The following GIMAP8 variants were observed in gnomAD, a reference collection of about 807,000 sequenced individuals.
The protein encoded by GIMAP8 is GTPase IMAP family member 8.
In GIMAP8, 29 loss-of-function variants were observed where a neutral mutation model predicts 35.6. The observed-to-expected ratio is 0.81, with a 90% confidence interval of 0.61 to 1.11. The LOEUF (loss-of-function observed/expected upper bound fraction) is 1.11. Ranked by LOEUF, GIMAP8 falls within the 50% of genes most tolerant of loss-of-function variation. The probability of loss-of-function intolerance (pLI) is 0.00; values close to 1 mark genes in which losing one functional copy is unlikely to be tolerated. For missense variants in GIMAP8, 811 were observed against 805.0 expected (o/e 1.01, Z -0.09); for synonymous variants, 335 against 308.7 (o/e 1.09, Z -0.89).
At chr7:150,457,838 T>G (rs1801763628) in intron 1 of GIMAP8, among the ~76,000 whole-genome samples, 1 of 152,254 alleles carries the variant, frequency 6.6e-6, no homozygotes, top group Non-Finnish European at 1.5e-5. Flanking sequence ...GCAGACATCC[T>G]GAGGCCAAAG....
At chr7:150,457,791 A>G (rs1455172485) in intron 1 of GIMAP8, among the ~76,000 whole-genome samples, 3 of 152,250 alleles carry the variant, frequency 2.0e-5, no homozygotes, top group Non-Finnish European at 2.9e-5. Context: ...GATTGGCAAG[A>G]TCTTGAAGGT....
At chr7:150,452,565 ATGTG>A (rs952748393) in intron 1 of GIMAP8, among the ~76,000 whole-genome samples, 4 of 149,082 alleles carry the variant, frequency 2.7e-5, no homozygotes, top group Non-Finnish European at 4.4e-5. Flanking sequence ...TTGCATATAT[ATGTG>A]TGTGTGTATG....
chr7:150,475,594 C>T (rs28535865), intron 4 of GIMAP8, among the ~76,000 whole-genome samples: 3,034 of 152,316 alleles, frequency 0.02, 98 homozygotes, highest in African/African-American at 0.069. Flanking sequence ...TAGTGCTACA[C>T]GTTCAGTTGA....
intron 1 of GIMAP8, among the ~76,000 whole-genome samples, chr7:150,459,317 G>A (rs1347466219): frequency 6.6e-6 from 1 of 152,184 alleles, no homozygotes; most frequent in African/African-American, 2.4e-5. Context: ...GGCATGAGGA[G>A]CCCAAAGTGG....
At position 150,478,377 on chromosome 7, in the gene GIMAP8, G is replaced by C. The variant is rs1802290936; in HGVS notation, c.*597G>C. 6.5e-6 allele frequency: 1 copy of C among 152,848 alleles called. No individual in the cohort carries two copies. Among genetic ancestry groups the C allele is most frequent in the Non-Finnish European group, 1.5e-5 (1 of 68,530 alleles). The allele number at this position is 152,848 out of a possible 1,614,324, so 9.5% of individuals were successfully genotyped here. On this transcript the variant is annotated 3_prime_UTR_variant, in exon 5 of 5. Transcript: ENST00000307271. ...CTCTTCACGTTCCACGCCTAGATGT[G>C]AAGTGGGACATAGTCTTCCATTGCT...
rs916877477 is a variant in GIMAP8, at chr7:150,471,831, T to C, written c.682+957T>C. On this transcript the variant is annotated intron_variant, in intron 3 of 4. Transcript: ENST00000307271. ...CAGTCTGGGCAACAGAGCAAGACCC[T>C]GTCTCAAAAAAAAAAAAAATTGCAG... is the stretch of plus-strand genomic sequence containing the variant. Among the ~76,000 whole-genome samples, 39 of 141,158 alleles carry C rather than the reference T, an allele frequency of 2.8e-4. 1 individual carries two copies. The highest frequency in any genetic ancestry group is 9.5e-4 in the African/African-American group (38 of 40,044). The allele number at this position is 141,158 out of a possible 152,430, so 92.6% of individuals were successfully genotyped here. A position where few individuals can be genotyped will look rare whatever the true frequency, so the allele number is the denominator to read the frequency against.
chr7:150,453,531 A>G (rs1024463379), intron 1 of GIMAP8, among the ~76,000 whole-genome samples: 1 of 152,236 alleles, frequency 6.6e-6, no homozygotes, highest in African/African-American at 2.4e-5. Flanking sequence ...TTGAAAAGGT[A>G]TGAACCACCA....
chr7:150,462,717 G>A (rs573126030), intron 1 of GIMAP8, among the ~76,000 whole-genome samples: 1 of 152,266 alleles, frequency 6.6e-6, no homozygotes, highest in South Asian at 2.1e-4. Context: ...TTAGTCTGAT[G>A]GAGATTCCTT....
In GIMAP8 at chr7:150,474,589, G is replaced by A. The variant is rs775558609; in HGVS notation, c.1260G>A (p.Glu420=). The A allele has an allele frequency of 6.2e-7, 1 of 1,612,924 alleles. No homozygotes were observed. The highest frequency in any genetic ancestry group is 8.5e-7 in the Non-Finnish European group (1 of 1,179,618). The part of the protein sequence containing the change: ...RQADELLEKI[E]SMVHQNGNKH... ...CGGACGAGCTCCTGGAAAAAATTGA[G>A]AGCATGGTGCATCAGAATGGGAACA... Residue 420 remains glutamate (E), a synonymous_variant, in exon 4 of 5, where the codon GAG becomes GAA. Coordinates refer to ENST00000307271, the MANE Select transcript of GIMAP8 (RefSeq NM_175571.4).
At chr7:150,468,962 T>C (rs1802032651) in intron 2 of GIMAP8, among the ~76,000 whole-genome samples, 1 of 152,192 alleles carries the variant, frequency 6.6e-6, no homozygotes, top group African/African-American at 2.4e-5. Flanking sequence ...ATCTGTCTCT[T>C]CCTTGAGGGC....
intron 1 of GIMAP8, among the ~76,000 whole-genome samples, chr7:150,465,239 C>T (rs1022483585): frequency 8.5e-5 from 13 of 152,062 alleles, no homozygotes; most frequent in African/African-American, 1.2e-4. Flanking sequence ...GGGTGCTGTA[C>T]GAAGCTTTCA....
chr7:150,476,940 T>C (rs943713373), intron 4 of GIMAP8, 152 bp from the exon 5 acceptor site: 22 of 625,522 alleles, frequency 3.5e-5, no homozygotes, highest in Middle Eastern at 4.3e-4. Context: ...TTCCCGTGTT[T>C]GGAGATCCCC....
At position 150,477,530 on chromosome 7, in the gene GIMAP8, A is replaced by G. The variant is rs141193290; in HGVS notation, c.1748A>G (p.Asp583Gly). 321 of 1,614,194 alleles carry G rather than the reference A, an allele frequency of 2.0e-4. 2 individuals carry two copies. In the East Asian group the frequency reaches 6.9e-3, roughly 35 times the overall value. Residue 583 changes from aspartate to glycine, a missense_variant, in exon 5 of 5, where the codon GAT (aspartate) becomes GGT (glycine). By Grantham distance (94) the Asp-to-Gly change is moderately conservative (BLOSUM62 -1). Coordinates refer to ENST00000307271, the MANE Select transcript of GIMAP8 (RefSeq NM_175571.4). ...GNLEDFMKNS[D>G]NKALRRIFKK... ...TTGGAAGACTTCATGAAGAACTCAG[A>G]TAACAAAGCCCTTCGGCGCATTTTT...
Position 150,455,430 on chromosome 7 carries a change from A to C in GIMAP8, c.-29+4255A>C, listed in dbSNP as rs571946086. The stretch of plus-strand genomic sequence containing the variant: ...TATACTAAAGTTACAGGAGTTAAGT[A>C]ATATTGGCATTTAGAAATGAAGATG... On this transcript the variant is annotated intron_variant, in intron 1 of 4. Coordinates refer to ENST00000307271, the MANE Select transcript of GIMAP8 (RefSeq NM_175571.4). Among the ~76,000 whole-genome samples, 3 of 152,380 alleles carry C rather than the reference A, an allele frequency of 2.0e-5. No individual in the cohort carries two copies. The East Asian group carries it at 5.8e-4, about 29-fold the overall frequency.
At chr7:150,454,289 G>C (rs989999405) in intron 1 of GIMAP8, among the ~76,000 whole-genome samples, 3 of 152,156 alleles carry the variant, frequency 2.0e-5, no homozygotes, top group Admixed American at 6.5e-5. Flanking sequence ...AGAATGAAGC[G>C]TGACATTACC....
chr7:150,474,519 G>A lies in GIMAP8; in HGVS notation c.1190G>A (p.Ser397Asn). ...GLIQKCKNRY[S>N]AFNYRATGEE... ...ATCCAGAAGTGTAAAAACAGATATA[G>A]TGCCTTCAACTACCGGGCAACAGGA... is the stretch of plus-strand genomic sequence containing the variant. The change falls in exon 4 of 5, where the codon AGT becomes AAT. Residue 397 changes from serine to asparagine, a missense_variant. By Grantham distance (46) the Ser-to-Asn change is conservative. Coordinates refer to ENST00000307271, the MANE Select transcript of GIMAP8 (RefSeq NM_175571.4). The A allele has an allele frequency of 6.3e-7, 1 of 1,577,640 alleles. No homozygotes were observed. Among genetic ancestry groups the A allele is most frequent in the Non-Finnish European group, 8.7e-7 (1 of 1,147,434 alleles).
At chr7:150,455,850 A>G (rs1801719839) in intron 1 of GIMAP8, among the ~76,000 whole-genome samples, 1 of 152,224 alleles carries the variant, frequency 6.6e-6, no homozygotes, top group Non-Finnish European at 1.5e-5. Context: ...CTCATTTAAC[A>G]AAGAGTTGGT....
intron 3 of GIMAP8, among the ~76,000 whole-genome samples, chr7:150,473,483 A>C (rs1802139721): frequency 1.3e-5 from 2 of 149,520 alleles, no homozygotes; most frequent in South Asian, 4.4e-4. Flanking sequence ...CTGTTCTTCA[A>C]CTTCATATGG....
intron 3 of GIMAP8, among the ~76,000 whole-genome samples, 192 bp from the exon 4 acceptor site, chr7:150,473,820 C>T (rs963385949): frequency 6.6e-6 from 1 of 152,100 alleles, no homozygotes; most frequent in African/African-American, 2.4e-5. Flanking sequence ...ATGAATATCT[C>T]TTAGTTCACT....
Sources: allele counts gnomAD v4.1 joint callset (sites outside exome capture counted in the v4.1 genomes callset), GRCh38; gene constraint gnomAD v4.1.1; transcripts MANE v1.5; gene names NCBI Gene and HGNC (gene_info 2026-07-23, HGNC 2026-07-21).